Variants in SNTG1 observed in about 807,000 individuals in gnomAD.
SNTG1 encodes gamma-1-syntrophin.
Under a neutral mutation model 74.7 loss-of-function variants are expected in SNTG1, and 39 were observed. That is an observed-to-expected ratio of 0.52 (90% CI 0.40 to 0.68). The LOEUF is 0.68. Among genes scored for constraint, SNTG1 ranks in the 30% least tolerant of loss-of-function variants. The pLI is 0.00. For missense variants in SNTG1, 685 were observed against 609.5 expected, an observed-to-expected ratio of 1.12 and a Z score of -1.30; for synonymous variants, 254 against 217.1, an observed-to-expected ratio of 1.17 and a Z score of -1.49.
intron 13 of SNTG1, among the ~76,000 whole-genome samples, chr8:50,608,209 A>G (rs879744153): frequency 1.3e-5 from 2 of 151,712 alleles, no homozygotes; most frequent in Admixed American, 6.6e-5. Flanking sequence ...AATGTCAAGT[A>G]TGTCAAACTG....
At chr8:50,403,111 C>T (rs535525004) in intron 4 of SNTG1, among the ~76,000 whole-genome samples, 6 of 152,234 alleles carry the variant, frequency 3.9e-5, no homozygotes, top group South Asian at 2.1e-4. Context: ...GCAATGTTGC[C>T]GTATGTGATC....
At chr8:50,540,147 G>T (rs2448934) in intron 11 of SNTG1, among the ~76,000 whole-genome samples, 61,444 of 151,978 alleles carry the variant, frequency 0.4, 16,788 homozygotes, top group African/African-American at 0.78. Flanking sequence ...TCAGAAAGCA[G>T]CTGATAAGAA....
intron 1 of SNTG1, among the ~76,000 whole-genome samples, chr8:50,017,833 C>A (rs542416223): frequency 6.6e-6 from 1 of 151,950 alleles, no homozygotes; most frequent in Admixed American, 6.6e-5. Context: ...ATTCAATACC[C>A]ACTTTCAATA....
rs182490977 is a variant in SNTG1 at position 50,633,323 on chromosome 8, T to C, written c.850-23586T>C. Among the ~76,000 whole-genome samples, 10 of 152,328 alleles carry C rather than the reference T, an allele frequency of 6.6e-5. No individual in the cohort carries two copies. In the East Asian group the frequency reaches 1.7e-3, roughly 26 times the overall value. On this transcript the variant is annotated intron_variant, in intron 13 of 18. Coordinates refer to ENST00000642720, the MANE Select transcript of SNTG1 (RefSeq NM_018967.5). ...CTCAGGCCTGGTACTCTGAAATTGCTATTAAGAGATTTATCTCTTTTCAGA... is the reference window on the plus strand; with the variant it reads ...CTCAGGCCTGGTACTCTGAAATTGCCATTAAGAGATTTATCTCTTTTCAGA...
chr8:50,206,257 G>A (rs2084231875), intron 2 of SNTG1, among the ~76,000 whole-genome samples: 1 of 152,120 alleles, frequency 6.6e-6, no homozygotes, highest in Non-Finnish European at 1.5e-5. Flanking sequence ...GCAGTGTTTT[G>A]TAGTTCTCCT....
At chr8:50,515,387 G>GTTTT (rs34086906) in intron 9 of SNTG1, among the ~76,000 whole-genome samples, 5 of 80,440 alleles carry the variant, frequency 6.2e-5, no homozygotes, top group African/African-American at 1.4e-4. Flanking sequence ...AGCTGCAGGA[G>GTTTT]TTTTTTTTTT....
chr8:50,519,845 G>A lies in SNTG1; in HGVS notation c.467-10332G>A, dbSNP rs1017410916. ...AAAAACATTCCATGTTCATAGACAG[G>A]GAGAATCAATAGAGTGAAAATGGCC... On this transcript the variant is annotated intron_variant, in intron 9 of 18. Transcript: ENST00000642720. Among the ~76,000 whole-genome samples the A allele has an allele frequency of 2.0e-5, 3 of 151,996 alleles. 1 individual carries two copies. The East Asian group carries it at 5.8e-4, about 29-fold the overall frequency.
intron 13 of SNTG1, among the ~76,000 whole-genome samples, chr8:50,616,484 A>G (rs970599465): frequency 6.6e-6 from 1 of 152,216 alleles, no homozygotes; most frequent in African/African-American, 2.4e-5. Context: ...CTGCTGCTAC[A>G]GAAAGGAATT....
intron 16 of SNTG1, chr8:50,708,312 G>A (rs1201526450): frequency 1.3e-5 from 2 of 153,306 alleles, no homozygotes; most frequent in Non-Finnish European, 2.9e-5. Flanking sequence ...AAATAAATTG[G>A]AAAGTGGTAA....
chr8:50,186,754 T>C (rs2083399709), intron 2 of SNTG1, among the ~76,000 whole-genome samples: 1 of 152,102 alleles, frequency 6.6e-6, no homozygotes, highest in African/African-American at 2.4e-5. Flanking sequence ...GCTTTGTTTG[T>C]AAATTTAAGT....
chr8:50,794,726 T>C lies in SNTG1; in HGVS notation c.*1897T>C, dbSNP rs1344021550. On this transcript the variant is annotated 3_prime_UTR_variant, in exon 19 of 19. Coordinates refer to ENST00000642720, the MANE Select transcript of SNTG1 (RefSeq NM_018967.5). ...TGGAACTTCTGCTTCCAACCAGAGC[T>C]GAATCTCAGTGTGCCCCATATTGGG... 2.6e-5 allele frequency: 4 copies of C among 151,948 alleles called. No homozygotes were observed. The highest frequency in any genetic ancestry group is 5.9e-5 in the Non-Finnish European group (4 of 67,954). 9.4% of individuals were successfully genotyped at this position (151,948 alleles called of 1,614,324 possible).
chr8:49,945,366 A>G (rs1277516943), intron 1 of SNTG1, among the ~76,000 whole-genome samples: 2 of 152,206 alleles, frequency 1.3e-5, no homozygotes, highest in Non-Finnish European at 2.9e-5. Flanking sequence ...TAAAGCTTAC[A>G]GGATACAAAT....
chr8:50,275,016 C>T (rs2088013771), intron 2 of SNTG1, among the ~76,000 whole-genome samples: 1 of 152,068 alleles, frequency 6.6e-6, no homozygotes, highest in South Asian at 2.1e-4. Context: ...ATAAATTATG[C>T]TGCAGTTTTC....
chr8:50,343,602 T>G (rs1255042361), intron 2 of SNTG1, among the ~76,000 whole-genome samples: 1 of 152,154 alleles, frequency 6.6e-6, no homozygotes, highest in Non-Finnish European at 1.5e-5. Flanking sequence ...AGTGAACAAA[T>G]AGCAAGCTAT....
chr8:50,671,027 T>G (rs1354101113), intron 15 of SNTG1, among the ~76,000 whole-genome samples: 7 of 150,712 alleles, frequency 4.6e-5, no homozygotes, highest in Admixed American at 1.3e-4. Flanking sequence ...CCTTACACCT[T>G]ATACAAAAAT....
chr8:50,622,688 G>T (rs556715792), intron 13 of SNTG1, among the ~76,000 whole-genome samples: 2 of 151,878 alleles, frequency 1.3e-5, no homozygotes, highest in African/African-American at 4.8e-5. Flanking sequence ...TTAAATTACC[G>T]ATAATCATAC....
intron 18 of SNTG1, among the ~76,000 whole-genome samples, chr8:50,765,581 A>G (rs1035805532): frequency 1.3e-5 from 2 of 152,140 alleles, no homozygotes; most frequent in Non-Finnish European, 1.5e-5. Context: ...GAATAAGGAA[A>G]AGTACATCTA....
At chr8:50,646,020 A>G (rs530333595) in intron 13 of SNTG1, among the ~76,000 whole-genome samples, 1 of 152,328 alleles carries the variant, frequency 6.6e-6, no homozygotes, top group Non-Finnish European at 1.5e-5. Context: ...ACTCGTTAAA[A>G]AAAGAATATT....
rs145355905 is a variant in SNTG1 at position 50,354,129 on chromosome 8, C to G, written c.-27-40083C>G. ...TCCATATCCAGAAAGCTCAGCCAGCCTGTTCTTTCTGCATTCCTGCTGATG... is the reference window on the plus strand; with the variant it reads ...TCCATATCCAGAAAGCTCAGCCAGCGTGTTCTTTCTGCATTCCTGCTGATG... On this transcript the variant is annotated intron_variant, in intron 2 of 18. Transcript: ENST00000642720. Among the ~76,000 whole-genome samples the G allele has an allele frequency of 1.8e-4, 27 of 152,280 alleles. No individual in the cohort carries two copies. The East Asian group carries it at 3.5e-3, about 20-fold the overall frequency.
Sources: allele counts gnomAD v4.1 joint callset (sites outside exome capture counted in the v4.1 genomes callset), GRCh38; gene constraint gnomAD v4.1.1; transcripts MANE v1.5; gene names NCBI Gene and HGNC (gene_info 2026-07-23, HGNC 2026-07-21).